The following FKTN variants were observed in gnomAD, a reference collection of about 807,000 sequenced individuals.
The protein encoded by FKTN is fukutin.
In FKTN, 47 loss-of-function variants were observed where a neutral mutation model predicts 58.6. That is an observed-to-expected ratio of 0.80 (90% confidence interval 0.63 to 1.02). FKTN has a LOEUF of 1.02. Among genes scored for constraint, FKTN ranks in the 50% least tolerant of loss-of-function variants. The pLI is 0.00. For missense variants in FKTN, 516 were observed against 537.3 expected (o/e 0.96, Z 0.39); for synonymous variants, 178 against 191.9 (o/e 0.93, Z 0.60).
At chr9:105,634,758 T>C (rs1833886189) in intron 10 of FKTN, among the ~76,000 whole-genome samples, 1 of 152,214 alleles carries the variant, frequency 6.6e-6, no homozygotes. Flanking sequence ...CAAGGCTGAC[T>C]TTGATTTGCC....
chr9:105,599,482 T>TTC (rs1827451358), intron 4 of FKTN, among the ~76,000 whole-genome samples: 2 of 148,110 alleles, frequency 1.4e-5, no homozygotes, highest in Non-Finnish European at 3.0e-5. Context: ...TTGCTTTTTT[T>TTC]TTTTTTTTTT....
intron 10 of FKTN, among the ~76,000 whole-genome samples, chr9:105,621,479 A>G (rs1247893479): frequency 6.6e-6 from 1 of 152,180 alleles, no homozygotes; most frequent in Admixed American, 6.5e-5. Context: ...TTACATAGTT[A>G]AAATATTCAA....
chr9:105,578,904 T>C (rs575493090), intron 3 of FKTN, among the ~76,000 whole-genome samples: 6 of 151,986 alleles, frequency 3.9e-5, no homozygotes, highest in Non-Finnish European at 5.9e-5. Context: ...CTTGGGAGAG[T>C]GTATGTGTCA....
At chr9:105,595,078 G>A (rs1246732979) in intron 3 of FKTN, among the ~76,000 whole-genome samples, 4 of 152,144 alleles carry the variant, frequency 2.6e-5, no homozygotes, top group South Asian at 2.1e-4. Flanking sequence ...AAAACCAGAT[G>A]TAAAAGGCCA....
Position 105,637,488 on chromosome 9 carries a change from G to C in FKTN, c.*2224G>C. 1.0e-6 allele frequency: 1 copy of C among 985,418 alleles called. No individual in the cohort carries two copies. The highest frequency in any genetic ancestry group is 1.2e-6 in the Non-Finnish European group (1 of 829,942). 61.0% of individuals were successfully genotyped at this position (985,418 alleles called of 1,614,324 possible). Reference sequence around the variant, plus strand: ...CAAAAGCCTTCTCTAGAATCTGAAGGCCAGGCTTACCTCTGATTCTGATTC... The same window carrying C: ...CAAAAGCCTTCTCTAGAATCTGAAGCCCAGGCTTACCTCTGATTCTGATTC... On this transcript the variant is annotated 3_prime_UTR_variant, in exon 11 of 11. Coordinates refer to ENST00000357998, the MANE Select transcript of FKTN (RefSeq NM_001079802.2).
intron 5 of FKTN, among the ~76,000 whole-genome samples, 190 bp downstream of exon 5, chr9:105,601,538 A>G (rs1827873135): frequency 6.6e-6 from 1 of 152,234 alleles, no homozygotes; most frequent in Non-Finnish European, 1.5e-5. Context: ...TTTTTCTTAT[A>G]TAATGAGAGG....
intron 1 of FKTN, among the ~76,000 whole-genome samples, chr9:105,563,380 G>T (rs1007332661): frequency 6.7e-6 from 1 of 148,568 alleles, no homozygotes. Context: ...AGTGCAAGGG[G>T]TCAGGGAATT....
At chr9:105,579,031 T>C (rs1318961212) in intron 3 of FKTN, among the ~76,000 whole-genome samples, 2 of 151,870 alleles carry the variant, frequency 1.3e-5, no homozygotes, top group African/African-American at 4.8e-5. Context: ...TCGTTTTTTA[T>C]TGCGTCTATT....
intron 1 of FKTN, among the ~76,000 whole-genome samples, chr9:105,558,859 C>T (rs2131597914): frequency 6.6e-6 from 1 of 152,240 alleles, no homozygotes; most frequent in South Asian, 2.1e-4. Flanking sequence ...TCTGTTGGGC[C>T]ATGGACAAAG....
rs1832501747 is a variant in FKTN at position 105,624,504 on chromosome 9, G to C, written c.1172+4443G>C. 3 of 151,582 alleles carry C rather than the reference G, an allele frequency of 2.0e-5. No homozygotes were observed. In the South Asian group the frequency reaches 6.2e-4, roughly 32 times the overall value. 9.4% of individuals were successfully genotyped at this position (151,582 alleles called of 1,614,324 possible). Reference sequence around the variant, plus strand: ...AAATTACCCAGGCATGGTGGCATGTGTCTGTGGTCCCAACTACATGGGAGG... The same window carrying C: ...AAATTACCCAGGCATGGTGGCATGTCTCTGTGGTCCCAACTACATGGGAGG... On this transcript the variant is annotated intron_variant, in intron 10 of 10. Coordinates refer to ENST00000357998, the MANE Select transcript of FKTN (RefSeq NM_001079802.2).
chr9:105,586,860 C>A (rs1244587879), intron 3 of FKTN, among the ~76,000 whole-genome samples: 3 of 152,076 alleles, frequency 2.0e-5, no homozygotes, highest in Non-Finnish European at 4.4e-5. Flanking sequence ...CTTATAGTGT[C>A]CCTATAAGCT....
At chr9:105,608,261 T>A (rs548021509) in intron 7 of FKTN, among the ~76,000 whole-genome samples, 1 of 152,354 alleles carries the variant, frequency 6.6e-6, no homozygotes, top group East Asian at 1.9e-4. Context: ...GGTGGTGTAT[T>A]CTCAGTCCAA....
At chr9:105,632,304 A>AT (rs1168402954) in intron 10 of FKTN, among the ~76,000 whole-genome samples, 3 of 152,046 alleles carry the variant, frequency 2.0e-5, no homozygotes, top group African/African-American at 7.2e-5. Flanking sequence ...GCATCGGGAG[A>AT]TATACCTAAT....
chr9:105,626,862 T>C (rs1421642490), intron 10 of FKTN, among the ~76,000 whole-genome samples: 1 of 152,166 alleles, frequency 6.6e-6, no homozygotes, highest in Non-Finnish European at 1.5e-5. Context: ...TTACTGACCA[T>C]TTGGATATCC....
At position 105,638,486 on chromosome 9, in the gene FKTN, C is replaced by G; in HGVS notation, c.*3222C>G. 1.0e-6 allele frequency: 1 copy of G among 985,366 alleles called. No homozygotes were observed. The highest frequency in any genetic ancestry group is 1.2e-6 in the Non-Finnish European group (1 of 829,906). 61.0% of individuals were successfully genotyped at this position (985,366 alleles called of 1,614,324 possible). A position where few individuals can be genotyped will look rare whatever the true frequency, so the allele number is the denominator to read the frequency against. ...TAATTCTCTAAGCTCAAGATGCATC[C>G]CATTGCCACTTTACCATTCTATTTC... On this transcript the variant is annotated 3_prime_UTR_variant, in exon 11 of 11. Transcript: ENST00000357998.
At chr9:105,563,612 C>T (rs954766258) in intron 1 of FKTN, among the ~76,000 whole-genome samples, 5 of 151,726 alleles carry the variant, frequency 3.3e-5, no homozygotes, top group Non-Finnish European at 5.9e-5. Flanking sequence ...GGGGGGGGCA[C>T]CCGCCATTGC....
At chr9:105,579,889 C>G (rs1842537648) in intron 3 of FKTN, among the ~76,000 whole-genome samples, 1 of 151,978 alleles carries the variant, frequency 6.6e-6, no homozygotes, top group African/African-American at 2.4e-5. Context: ...GTTAGCTCTT[C>G]TTGTTGAATT....
In FKTN at chr9:105,599,475, CTTTTTT is replaced by C. The variant is rs56397759; in HGVS notation, c.166-1657_166-1652del. 3.0e-5 allele frequency among the ~76,000 whole-genome samples: 3 copies of C among 101,156 alleles called. No individual in the cohort carries two copies. In the Admixed American group the frequency reaches 3.3e-4, roughly 11 times the overall value. 66.4% of individuals were successfully genotyped at this position (101,156 alleles called of 152,430 possible). A position where few individuals can be genotyped will look rare whatever the true frequency, so the allele number is the denominator to read the frequency against. On this transcript the variant is annotated intron_variant, in intron 4 of 10. Transcript: ENST00000357998. ...TTTGTAAGGTCTTTGTCAGGTTTTG[CTTTTTT>C]TTTTTTTTTTTTGAGATGAAGTCTC...
Position 105,636,825 on chromosome 9 carries a change from A to G in FKTN, c.*1561A>G, listed in dbSNP as rs151019552. The stretch of plus-strand genomic sequence containing the variant: ...TGGGCTGGTAGACTTTTTCGAAAAC[A>G]AATTAGAGAAAGTAACTTACAACCA... On this transcript the variant is annotated 3_prime_UTR_variant, in exon 11 of 11. Coordinates refer to ENST00000357998, the MANE Select transcript of FKTN (RefSeq NM_001079802.2). 160 of 1,217,892 alleles carry G rather than the reference A, an allele frequency of 1.3e-4. 1 individual carries two copies. In the African/African-American group the frequency reaches 2.4e-3, roughly 19 times the overall value. The allele number at this position is 1,217,892 out of a possible 1,614,324, so 75.4% of individuals were successfully genotyped here.
Sources: gnomAD v4.1 joint callset for allele counts (sites outside exome capture counted in the v4.1 genomes callset) on GRCh38, gnomAD v4.1.1 for gene constraint, MANE v1.5 for transcripts, NCBI Gene and HGNC (gene_info 2026-07-23, HGNC 2026-07-21) for gene names.